Variants in SPRYD7 observed in about 807,000 individuals in gnomAD.
SPRYD7 encodes SPRY domain-containing protein 7.
A neutral mutation model predicts 23.8 loss-of-function variants in SPRYD7; 14 were observed. The observed-to-expected ratio is 0.59, with a 90% confidence interval of 0.39 to 0.92. SPRYD7 has a LOEUF of 0.92. Among genes scored for constraint, SPRYD7 ranks in the 40% least tolerant of loss-of-function variants. The probability of loss-of-function intolerance (pLI) is 0.00; values close to 1 mark genes in which losing one functional copy is unlikely to be tolerated. For missense variants in SPRYD7, 194 were observed against 241.7 expected (o/e 0.80, Z 1.31); for synonymous variants, 75 against 84.9 (o/e 0.88, Z 0.64).
chr13:49,915,007 TA>T lies in SPRYD7; in HGVS notation c.*55del, dbSNP rs541328946. Reference sequence around the variant, plus strand: ...ATCTATAGGCCAGGTAAAGTTTTATTAAATGATGAACATTTTTTAACAGTGC... The same window carrying T: ...ATCTATAGGCCAGGTAAAGTTTTATTAATGATGAACATTTTTTAACAGTGC... On this transcript the variant is annotated 3_prime_UTR_variant, in exon 5 of 5. Coordinates refer to ENST00000361840, the MANE Select transcript of SPRYD7 (RefSeq NM_020456.4). 1.7e-4 allele frequency: 169 copies of T among 1,000,742 alleles called. No homozygotes were observed. The South Asian group carries it at 2.8e-3, about 17-fold the overall frequency. 62.0% of individuals were successfully genotyped at this position (1,000,742 alleles called of 1,614,324 possible). A position where few individuals can be genotyped will look rare whatever the true frequency, so the allele number is the denominator to read the frequency against.
chr13:49,934,353 G>A (rs976477656), intron 1 of SPRYD7, among the ~76,000 whole-genome samples: 1 of 151,866 alleles, frequency 6.6e-6, no homozygotes, highest in Non-Finnish European at 1.5e-5. Context: ...AGGTCAGTTC[G>A]AGACCAGCCT....
At position 49,928,077 on chromosome 13, in the gene SPRYD7, C is replaced by T. The variant is rs766357538; in HGVS notation, c.232G>A (p.Gly78Ser). Reference protein sequence around the residue: ...EFKIQSTGIWGIGVATQKVNL... With the variant: ...EFKIQSTGIWSIGVATQKVNL... ...ACCTTCTGAGTTGCAACACCAATAC[C>T]CCAGATTCCTAAAAATATAACAGTT... The change falls in exon 3 of 5, where the codon GGT (glycine) becomes AGT (serine). Residue 78 changes from glycine to serine, a missense_variant. By Grantham distance (56) the Gly-to-Ser change is moderately conservative. Coordinates refer to ENST00000361840, the MANE Select transcript of SPRYD7 (RefSeq NM_020456.4). 5 of 1,613,404 alleles carry T rather than the reference C, an allele frequency of 3.1e-6. No homozygotes were observed. Among genetic ancestry groups the T allele is most frequent in the East Asian group, 2.2e-5 (1 of 44,878 alleles).
In SPRYD7 at chr13:49,914,327, G is replaced by A. The variant is rs139025289; in HGVS notation, c.*736C>T. ...CCTTACAGAAAACATACAAATAAAA[G>A]TCCTTAAAAGAATAACCTCATTTAA... On this transcript the variant is annotated 3_prime_UTR_variant, in exon 5 of 5. Transcript: ENST00000361840. The A allele has an allele frequency of 6.5e-6, 1 of 153,632 alleles. No homozygotes were observed. Among genetic ancestry groups the A allele is most frequent in the East Asian group, 1.9e-4 (1 of 5,180 alleles). The allele number at this position is 153,632 out of a possible 1,614,324, so 9.5% of individuals were successfully genotyped here. A position where few individuals can be genotyped will look rare whatever the true frequency, so the allele number is the denominator to read the frequency against.
chr13:49,928,297 T>C (rs529009971), intron 2 of SPRYD7, among the ~76,000 whole-genome samples: 3 of 152,244 alleles, frequency 2.0e-5, no homozygotes, highest in Admixed American at 6.5e-5. Context: ...CAAAAATTAG[T>C]TGGGCATGGG....
In SPRYD7 at chr13:49,921,503, T is replaced by C; in HGVS notation, c.468A>G (p.Arg156=). The C allele has an allele frequency of 3.7e-6, 6 of 1,612,716 alleles. No individual in the cohort carries two copies. The highest frequency in any genetic ancestry group is 5.1e-6 in the Non-Finnish European group (6 of 1,178,834). ...CATAAACAACTGGATACACTGTCCC[T>C]CGTATACCTGATGCTGGACAATGCA... The part of the protein sequence containing the change: ...KNMHCPASGI[R]GTVYPVVYVD... Residue 156 remains arginine (R), a synonymous_variant, in exon 4 of 5, where the codon CGA becomes CGG. Transcript: ENST00000361840.
In SPRYD7 at chr13:49,912,739, C is replaced by T. The variant is rs987132695; in HGVS notation, c.*2324G>A. 3 of 151,932 alleles carry T rather than the reference C, an allele frequency of 2.0e-5. No individual in the cohort carries two copies. Among genetic ancestry groups the T allele is most frequent in the Non-Finnish European group, 2.9e-5 (2 of 67,980 alleles). The allele number at this position is 151,932 out of a possible 1,614,324, so 9.4% of individuals were successfully genotyped here. ...ACAGTAGTCACTTTAATTTGCTTTC[C>T]CAAGTAAGCACATTCTTTACAAATT... is the stretch of plus-strand genomic sequence containing the variant. On this transcript the variant is annotated 3_prime_UTR_variant, in exon 5 of 5. Coordinates refer to ENST00000361840, the MANE Select transcript of SPRYD7 (RefSeq NM_020456.4).
Position 49,936,148 on chromosome 13 carries a change from G to A in SPRYD7, c.88C>T (p.Leu30=), listed in dbSNP as rs143411983. 23 of 1,605,606 alleles carry A rather than the reference G, an allele frequency of 1.4e-5. No homozygotes were observed. Among genetic ancestry groups the A allele is most frequent in the Non-Finnish European group, 1.9e-5 (22 of 1,177,434 alleles). ...IPLKEMPAVQ[L]DTQHMGTDVV... is the part of the protein sequence containing the mutation. ...CCCTTACCCATGTGCTGCGTGTCCA[G>A]CTGCACGGCCGGCATCTCCTTCAGA... Residue 30 remains leucine (L), a synonymous_variant, in exon 1 of 5, where the codon CTG becomes TTG. Coordinates refer to ENST00000361840, the MANE Select transcript of SPRYD7 (RefSeq NM_020456.4).
Position 49,931,083 on chromosome 13 carries a change from C to A in SPRYD7, c.158G>T (p.Gly53Val), listed in dbSNP as rs753302167. 1 of 1,613,524 alleles carries A rather than the reference C, an allele frequency of 6.2e-7. No homozygotes were observed. The highest frequency in any genetic ancestry group is 8.5e-7 in the Non-Finnish European group (1 of 1,179,720). ...KNGRRICGTG[G>V]CLASAPLHQN... is the part of the protein sequence containing the mutation. ...ATGTAAAGGTGCGCTGGCTAAACAA[C>A]CTCCTGTTCCACATATTCTTCTTCC... is the stretch of plus-strand genomic sequence containing the variant. Residue 53 changes from glycine to valine, a missense_variant, in exon 2 of 5, where the codon GGT becomes GTT. Gly to Val is a moderately radical substitution (Grantham distance 109, BLOSUM62 -3). Transcript: ENST00000361840.
At chr13:49,934,782 G>A (rs1324830774) in intron 1 of SPRYD7, among the ~76,000 whole-genome samples, 1 of 152,112 alleles carries the variant, frequency 6.6e-6, no homozygotes, top group East Asian at 1.9e-4. Context: ...TAATTCAAGA[G>A]TCTAACAGTA....
At chr13:49,929,301 C>A (rs922841916) in intron 2 of SPRYD7, among the ~76,000 whole-genome samples, 1 of 152,004 alleles carries the variant, frequency 6.6e-6, no homozygotes, top group East Asian at 1.9e-4. Context: ...CAGAGCAAGA[C>A]CCCATCTATA....
At chr13:49,932,869 C>CT (rs560277972) in intron 1 of SPRYD7, among the ~76,000 whole-genome samples, 5 of 151,506 alleles carry the variant, frequency 3.3e-5, no homozygotes, top group Non-Finnish European at 5.9e-5. Flanking sequence ...TCATTAACAT[C>CT]TTTTTTTTTC....
intron 1 of SPRYD7, among the ~76,000 whole-genome samples, chr13:49,931,946 T>C (rs1045352238): frequency 2.0e-5 from 3 of 152,224 alleles, no homozygotes; most frequent in African/African-American, 7.2e-5. Context: ...AAGTTTTAAT[T>C]AAGCAGTTTC....
intron 2 of SPRYD7, 87 bp from the exon 3 acceptor site, chr13:49,928,172 G>T: frequency 8.3e-7 from 1 of 1,202,188 alleles, no homozygotes; most frequent in Non-Finnish European, 1.2e-6. Context: ...CTTTTTAAAG[G>T]AAGTGCTGTA....
chr13:49,921,323 C>T, intron 4 of SPRYD7, 155 bp downstream of exon 4: 1 of 516,840 alleles, frequency 1.9e-6, no homozygotes, highest in Non-Finnish European at 3.5e-6. Flanking sequence ...CCTGAGGCCT[C>T]CCCAGCTCTG....
intron 1 of SPRYD7, among the ~76,000 whole-genome samples, chr13:49,934,394 A>C (rs1403685846): frequency 6.6e-6 from 1 of 151,944 alleles, no homozygotes; most frequent in Non-Finnish European, 1.5e-5. Flanking sequence ...GTCTCTACTA[A>C]AAATACAAAA....
chr13:49,917,811 G>T (rs886529070), intron 4 of SPRYD7, among the ~76,000 whole-genome samples: 1 of 152,092 alleles, frequency 6.6e-6, no homozygotes, highest in Non-Finnish European at 1.5e-5. Context: ...AGTAAATAAA[G>T]GAATTGCTTT....
intron 1 of SPRYD7, among the ~76,000 whole-genome samples, chr13:49,935,171 G>A (rs879931940): frequency 3.9e-5 from 6 of 152,266 alleles, no homozygotes; most frequent in African/African-American, 1.2e-4. Flanking sequence ...GAAACTGGGC[G>A]AGAGAGTTTT....
chr13:49,933,802 A>C (rs1260788622), intron 1 of SPRYD7, among the ~76,000 whole-genome samples: 1 of 152,086 alleles, frequency 6.6e-6, no homozygotes, highest in African/African-American at 2.4e-5. Context: ...GCCACAGAGG[A>C]TGTTTTAAGA....
intron 3 of SPRYD7, among the ~76,000 whole-genome samples, chr13:49,924,089 T>A (rs866098941): frequency 2.6e-5 from 4 of 151,238 alleles, no homozygotes; most frequent in Middle Eastern, 6.8e-3. Flanking sequence ...TTCAAGTGAT[T>A]CTCCTGCCTC....
Sources: allele counts gnomAD v4.1 joint callset (sites outside exome capture counted in the v4.1 genomes callset), GRCh38; gene constraint gnomAD v4.1.1; transcripts MANE v1.5; gene names NCBI Gene and HGNC (gene_info 2026-07-23, HGNC 2026-07-21).